HEATR4: variants seen among roughly 807,000 people sequenced by gnomAD.
HEATR4 encodes the protein HEAT repeat containing 4.
HEATR4 carries 95 observed loss-of-function variants against 108.8 expected under a neutral mutation model. That is an observed-to-expected ratio of 0.87 (90% CI 0.74 to 1.04). HEATR4 has a LOEUF of 1.04. HEATR4 is among the 50% of genes least tolerant of loss of function. HEATR4 has a pLI of 0.00. For missense variants in HEATR4, 1,152 were observed against 1,253.8 expected (o/e 0.92, Z 1.23); for synonymous variants, 443 against 459.4 (o/e 0.96, Z 0.46).
rs142999797 is a variant in HEATR4, at chr14:73,536,239, A to G, written c.-151-5995T>C. Among the ~76,000 whole-genome samples the G allele has an allele frequency of 1.3e-3, 148 of 113,224 alleles. 27 individuals are homozygous for G. The highest frequency in any genetic ancestry group is 3.9e-3 in the African/African-American group (137 of 34,734). The allele number at this position is 113,224 out of a possible 152,430, so 74.3% of individuals were successfully genotyped here. A position where few individuals can be genotyped will look rare whatever the true frequency, so the allele number is the denominator to read the frequency against. On this transcript the variant is annotated intron_variant, in intron 1 of 17. Coordinates refer to ENST00000553558, the MANE Select transcript of HEATR4 (RefSeq NM_001220484.1). ...TACGCATTTATAGGTTTCTCTAATT[A>G]CCAAGATAGGAAATTATGAAATCAG...
chr14:73,517,894 C>G (rs941510049), intron 5 of HEATR4, among the ~76,000 whole-genome samples: 1 of 152,002 alleles, frequency 6.6e-6, no homozygotes, highest in Non-Finnish European at 1.5e-5. Context: ...CAAGACCATC[C>G]TGGCCAACAT....
the HEATR4 span, chr14:73,569,972 C>T: frequency 4.1e-6 from 6 of 1,464,502 alleles, no homozygotes; most frequent in South Asian, 1.4e-5. Context: ...ATGTGTATGC[C>T]CCCCCGCCGC....
Position 73,512,103 on chromosome 14 carries a change from C to A in HEATR4, c.1461G>T (p.Leu487Phe). 2 of 1,614,176 alleles carry A rather than the reference C, an allele frequency of 1.2e-6. No individual in the cohort carries two copies. Among genetic ancestry groups the A allele is most frequent in the Non-Finnish European group, 1.7e-6 (2 of 1,180,026 alleles). Reference sequence around the variant, plus strand: ...TCCGAACGTCATCATGCAGGTCTCCCAAGCTCTGAAGCAGGTTCTCTACTG... The same window carrying A: ...TCCGAACGTCATCATGCAGGTCTCCAAAGCTCTGAAGCAGGTTCTCTACTG... The part of the protein sequence containing the change: ...HETVENLLQS[L>F]GDLHDDVRIK... Residue 487 changes from leucine (L) to phenylalanine (F), a missense_variant, in exon 7 of 18, where the codon TTG (leucine) becomes TTT (phenylalanine). By Grantham distance (22) the Leu-to-Phe change is conservative. Coordinates refer to ENST00000553558, the MANE Select transcript of HEATR4 (RefSeq NM_001220484.1).
At chr14:73,587,023 T>C in the HEATR4 span, among the ~76,000 whole-genome samples, 2 of 152,114 alleles carry the variant, frequency 1.3e-5, no homozygotes, top group African/African-American at 2.4e-5. Flanking sequence ...AAGTGTTCAA[T>C]TATTTGTTTG....
At chr14:73,629,361 C>A in the HEATR4 span, among the ~76,000 whole-genome samples, 1 of 152,246 alleles carries the variant, frequency 6.6e-6, no homozygotes, top group African/African-American at 2.4e-5. Flanking sequence ...TGCTTTATTG[C>A]AGTGGTCTGG....
At chr14:73,525,643 A>G (rs1187516332) in intron 2 of HEATR4, among the ~76,000 whole-genome samples, 2 of 152,252 alleles carry the variant, frequency 1.3e-5, no homozygotes. Flanking sequence ...CAAACTGAAC[A>G]ACTGTCCCCA....
At chr14:73,523,740 A>G (rs1888117946) in intron 2 of HEATR4, among the ~76,000 whole-genome samples, 1 of 152,016 alleles carries the variant, frequency 6.6e-6, no homozygotes, top group South Asian at 2.1e-4. Flanking sequence ...CACAAATTCT[A>G]TCCAATTTCC....
At chr14:73,566,249 C>G in the HEATR4 span, among the ~76,000 whole-genome samples, 2 of 152,134 alleles carry the variant, frequency 1.3e-5, no homozygotes, top group African/African-American at 2.4e-5. Flanking sequence ...TCCCACTAGA[C>G]TCAGGAGCCC....
chr14:73,522,731 G>A lies in HEATR4; in HGVS notation c.422C>T (p.Ser141Phe), dbSNP rs529300795. 1.9e-6 allele frequency: 3 copies of A among 1,614,110 alleles called. No individual in the cohort carries two copies. Among genetic ancestry groups the A allele is most frequent in the Non-Finnish European group, 1.7e-6 (2 of 1,180,044 alleles). ...DTSLAVKTES[S>F]ANPEKKLKKS... Reference sequence around the variant, plus strand: ...CTTCAGCTTCTTTTCGGGATTGGCAGAGCTTTCTGTCTTCACAGCCAGGGA... The same window carrying A: ...CTTCAGCTTCTTTTCGGGATTGGCAAAGCTTTCTGTCTTCACAGCCAGGGA... Residue 141 changes from serine to phenylalanine, a missense_variant, in exon 3 of 18, where the codon TCT becomes TTT. Coordinates refer to ENST00000553558, the MANE Select transcript of HEATR4 (RefSeq NM_001220484.1).
chr14:73,557,969 A>G lies in HEATR4; in HGVS notation c.-152+782T>C, dbSNP rs2007313. Among the ~76,000 whole-genome samples, 397 of 80,446 alleles carry G rather than the reference A, an allele frequency of 4.9e-3. 75 individuals are homozygous for G. The highest frequency in any genetic ancestry group is 0.041 in the East Asian group (122 of 2,940). 52.8% of individuals were successfully genotyped at this position (80,446 alleles called of 152,430 possible). ...CTTGGCCTCCAGAAATGCTGGGACT[A>G]TGCCTGGAATAGATATGGGTAAAGA... On this transcript the variant is annotated intron_variant, in intron 1 of 17. Transcript: ENST00000553558.
Position 73,541,124 on chromosome 14 carries a change from G to C in HEATR4, c.-151-10880C>G, listed in dbSNP as rs1237346100. Among the ~76,000 whole-genome samples, 4 of 113,602 alleles carry C rather than the reference G, an allele frequency of 3.5e-5. 2 individuals carry two copies. The highest frequency in any genetic ancestry group is 1.2e-4 in the African/African-American group (4 of 33,838). The allele number at this position is 113,602 out of a possible 152,430, so 74.5% of individuals were successfully genotyped here. A position where few individuals can be genotyped will look rare whatever the true frequency, so the allele number is the denominator to read the frequency against. On this transcript the variant is annotated intron_variant, in intron 1 of 17. Coordinates refer to ENST00000553558, the MANE Select transcript of HEATR4 (RefSeq NM_001220484.1). Reference sequence around the variant, plus strand: ...AATATTCAGTAAGTGGAGTCATTCAGAATGAGTAGCCTTTTGAGTCTGTCT... The same window carrying C: ...AATATTCAGTAAGTGGAGTCATTCACAATGAGTAGCCTTTTGAGTCTGTCT...
the HEATR4 span, chr14:73,591,724 G>C: frequency 2.5e-5 from 10 of 401,634 alleles, no homozygotes; most frequent in Non-Finnish European, 4.3e-5. Flanking sequence ...CACACCTTGC[G>C]CGCCCCGGGG....
chr14:73,574,865 T>C, the HEATR4 span: 18 of 1,613,090 alleles, frequency 1.1e-5, 1 homozygote, highest in Non-Finnish European at 1.5e-5. Flanking sequence ...ATTCCACTGT[T>C]TGTGGAATCA....
the HEATR4 span, among the ~76,000 whole-genome samples, chr14:73,590,086 A>G: frequency 6.6e-6 from 1 of 152,190 alleles, no homozygotes; most frequent in African/African-American, 2.4e-5. Context: ...CCCGCAACGT[A>G]GAAAAGAACC....
At position 73,520,863 on chromosome 14, in the gene HEATR4, T is replaced by A. The variant is rs770582592; in HGVS notation, c.1058A>T (p.Glu353Val). ...CCCAGCTCTATTACCAAAGTAAATCTCCTGTTCAAAGGTGTTGTCTGTGGA... is the reference window on the plus strand; with the variant it reads ...CCCAGCTCTATTACCAAAGTAAATCACCTGTTCAAAGGTGTTGTCTGTGGA... ...AYSTDNTFEQ[E>V]IYFDEVQIIH... Residue 353 changes from glutamate (E) to valine (V), a missense_variant, in exon 4 of 18, where the codon GAG becomes GTG. Transcript: ENST00000553558. The A allele has an allele frequency of 6.2e-7, 1 of 1,613,846 alleles. No individual in the cohort carries two copies. The highest frequency in any genetic ancestry group is 8.5e-7 in the Non-Finnish European group (1 of 1,179,898).
At chr14:73,590,100 A>G in the HEATR4 span, among the ~76,000 whole-genome samples, 70,303 of 151,960 alleles carry the variant, frequency 0.46, 19,466 homozygotes, top group African/African-American at 0.79. Context: ...AAGAACCCCA[A>G]CAAGTTGCCA....
At chr14:73,592,499 G>C in the HEATR4 span, 3 of 1,394,346 alleles carry the variant, frequency 2.2e-6, no homozygotes, top group Non-Finnish European at 2.8e-6. Flanking sequence ...GCACTGGTTT[G>C]GTTTTGGAGC....
chr14:73,547,410 T>C lies in HEATR4; in HGVS notation c.-152+11341A>G. Among the ~76,000 whole-genome samples, 2 of 114,688 alleles carry C rather than the reference T, an allele frequency of 1.7e-5. 1 individual carries two copies. The allele number at this position is 114,688 out of a possible 152,430, so 75.2% of individuals were successfully genotyped here. On this transcript the variant is annotated intron_variant, in intron 1 of 17. Coordinates refer to ENST00000553558, the MANE Select transcript of HEATR4 (RefSeq NM_001220484.1). ...ACAAAATAGAGATGGGGTCTCCCTA[T>C]GTTGCCCATGCTGGTCTTAAACTCC... is the stretch of plus-strand genomic sequence containing the variant.
the HEATR4 span, among the ~76,000 whole-genome samples, chr14:73,593,298 A>T: frequency 2.6e-5 from 4 of 151,712 alleles, no homozygotes; most frequent in South Asian, 8.4e-4. Flanking sequence ...GCAACAGAAC[A>T]TAAAGTTTTG....
Sources: allele counts gnomAD v4.1 joint callset (sites outside exome capture counted in the v4.1 genomes callset), GRCh38; gene constraint gnomAD v4.1.1; transcripts MANE v1.5; gene names NCBI Gene and HGNC (gene_info 2026-07-23, HGNC 2026-07-21).